The following DAB2IP variants were observed in gnomAD, a reference collection of about 807,000 sequenced individuals.
The protein encoded by DAB2IP is disabled homolog 2-interacting protein.
In DAB2IP, 28 loss-of-function variants were observed where a neutral mutation model predicts 107.2. That is an observed-to-expected ratio of 0.26 (90% CI 0.19 to 0.36). The LOEUF (loss-of-function observed/expected upper bound fraction) is 0.36. Ranked by LOEUF, DAB2IP falls within the 10% of genes least tolerant of loss-of-function variation. DAB2IP has a pLI of 1.00. For missense variants in DAB2IP, 1,400 were observed against 1,644.7 expected (o/e 0.85, Z 2.57); for synonymous variants, 755 against 706.4 (o/e 1.07, Z -1.09).
intron 1 of DAB2IP, among the ~76,000 whole-genome samples, chr9:121,676,635 G>GCACA (rs35324441): frequency 1.3e-5 from 2 of 150,542 alleles, no homozygotes; most frequent in African/African-American, 4.9e-5. Flanking sequence ...TTCTGCAGAC[G>GCACA]CACACACACA....
chr9:121,781,660 A>C (rs1309577524), intron 15 of DAB2IP, 109 bp downstream of exon 15: 8 of 1,111,774 alleles, frequency 7.2e-6, no homozygotes, highest in Non-Finnish European at 9.2e-6. Flanking sequence ...CACTGAGGGG[A>C]ATAAGAAACC....
chr9:121,583,796 C>T (rs1830256288), intron 1 of DAB2IP, among the ~76,000 whole-genome samples: 1 of 152,172 alleles, frequency 6.6e-6, no homozygotes, highest in South Asian at 2.1e-4. Context: ...CCCGTTGTGT[C>T]CAAGGAGAAG....
At chr9:121,629,022 T>A (rs1250540036) in intron 1 of DAB2IP, among the ~76,000 whole-genome samples, 1 of 152,164 alleles carries the variant, frequency 6.6e-6, no homozygotes, top group Non-Finnish European at 1.5e-5. Flanking sequence ...GGTAACCCAA[T>A]CACTTGCGCC....
At chr9:121,718,648 G>A (rs1830748951) in intron 3 of DAB2IP, among the ~76,000 whole-genome samples, 1 of 152,200 alleles carries the variant, frequency 6.6e-6, no homozygotes, top group Non-Finnish European at 1.5e-5. Context: ...TGCAAAATGG[G>A]GGATAGTATC....
At chr9:121,726,257 C>T (rs1209880270) in intron 3 of DAB2IP, among the ~76,000 whole-genome samples, 1 of 152,212 alleles carries the variant, frequency 6.6e-6, no homozygotes, top group East Asian at 1.9e-4. Flanking sequence ...CCCAAAAGGA[C>T]AAAGCTTGGG....
chr9:121,771,446 G>T (rs1834725757), intron 11 of DAB2IP, among the ~76,000 whole-genome samples: 1 of 152,160 alleles, frequency 6.6e-6, no homozygotes, highest in South Asian at 2.1e-4. Flanking sequence ...GTGGTGGCAG[G>T]GCAGGCTTTT....
rs1829840602 is a variant in DAB2IP, at chr9:121,702,496, T to C, written c.362+3038T>C. Among the ~76,000 whole-genome samples, 1 of 152,114 alleles carries C rather than the reference T, an allele frequency of 6.6e-6. No individual in the cohort carries two copies. Among genetic ancestry groups the C allele is most frequent in the African/African-American group, 2.4e-5 (1 of 41,398 alleles). On this transcript the variant is annotated intron_variant, in intron 3 of 15. Transcript: ENST00000408936. The surrounding 1 kb of genome is among the most constrained non-coding windows in gnomAD (Gnocchi z 4.5). ...CCAGCTGGTCTCCACAGTCTCTGGG[T>C]CCCTCAGACACTCATTTCTTCTTCA...
At chr9:121,731,292 C>A (rs1453047446) in intron 3 of DAB2IP, among the ~76,000 whole-genome samples, 1 of 152,168 alleles carries the variant, frequency 6.6e-6, no homozygotes, top group Non-Finnish European at 1.5e-5. Context: ...ACCCGGTGCA[C>A]CTGTTTTCAC....
chr9:121,569,439 T>G (rs182232782), intron 1 of DAB2IP, among the ~76,000 whole-genome samples: 5 of 152,330 alleles, frequency 3.3e-5, no homozygotes, highest in Non-Finnish European at 7.3e-5. Flanking sequence ...ACTGAAGAAG[T>G]CAATGATTCC....
At chr9:121,612,655 A>T (rs1252159928) in intron 1 of DAB2IP, among the ~76,000 whole-genome samples, 1 of 152,168 alleles carries the variant, frequency 6.6e-6, no homozygotes, top group Non-Finnish European at 1.5e-5. Context: ...GAGAACCGCC[A>T]GGGTCCTCCT....
upstream of DAB2IP, among the ~76,000 whole-genome samples, chr9:121,650,605 G>T (rs1338361697): frequency 3.9e-5 from 6 of 152,230 alleles, no homozygotes. Context: ...AGACCTCCTT[G>T]CCAAGGCCTC....
chr9:121,590,131 A>C (rs549588504), intron 1 of DAB2IP, among the ~76,000 whole-genome samples: 14 of 151,908 alleles, frequency 9.2e-5, no homozygotes, highest in Admixed American at 8.5e-4. Context: ...TCCTCCATGC[A>C]TAGTGTCTGA....
At chr9:121,568,252 G>A (rs1029955478) in intron 1 of DAB2IP, among the ~76,000 whole-genome samples, 34 of 152,192 alleles carry the variant, frequency 2.2e-4, no homozygotes, top group African/African-American at 7.2e-4. Flanking sequence ...TCCTGCAGGA[G>A]CTCAGCCCTT....
Position 121,782,597 on chromosome 9 carries a change from C to T in DAB2IP, c.*99C>T, listed in dbSNP as rs1035318638. The T allele has an allele frequency of 3.8e-5, 58 of 1,539,096 alleles. 1 individual carries two copies. Among genetic ancestry groups the T allele is most frequent in the Admixed American group, 2.4e-4 (13 of 54,304 alleles). On this transcript the variant is annotated 3_prime_UTR_variant, in exon 16 of 16. Coordinates refer to ENST00000408936, the Ensembl canonical transcript of DAB2IP. The surrounding 1 kb of genome is among the most constrained non-coding windows in gnomAD (Gnocchi z 6.1). ...GAGGCACCCACGGTTGCAGCCCCAG[C>T]GCGGGTGTCAGGAGGCCGAGCCTCC...
chr9:121,684,240 A>G lies in DAB2IP; in HGVS notation c.228+5459A>G, dbSNP rs1009181114. Among the ~76,000 whole-genome samples the G allele has an allele frequency of 6.6e-6, 1 of 152,074 alleles. No homozygotes were observed. Among genetic ancestry groups the G allele is most frequent in the African/African-American group, 2.4e-5 (1 of 41,386 alleles). On this transcript the variant is annotated intron_variant, in intron 2 of 15. Transcript: ENST00000408936. The surrounding 1 kb of genome is among the most constrained non-coding windows in gnomAD (Gnocchi z 4.0). The stretch of plus-strand genomic sequence containing the variant: ...AGGCTGTTGGAAATTAACTGGTTCA[A>G]CCCTTCCCTATACAGAGGAGGGACT...
chr9:121,579,711 G>A (rs761063697), intron 1 of DAB2IP, among the ~76,000 whole-genome samples: 100 of 152,294 alleles, frequency 6.6e-4, no homozygotes, highest in Middle Eastern at 6.8e-3. Context: ...CCACATGCCT[G>A]TCTCTGCCAC....
At chr9:121,594,667 C>T (rs1350845211) in intron 1 of DAB2IP, among the ~76,000 whole-genome samples, 2 of 152,162 alleles carry the variant, frequency 1.3e-5, no homozygotes, top group African/African-American at 4.8e-5. Flanking sequence ...GTCACTCAGT[C>T]CTTTTCTTCA....
At chr9:121,725,177 G>C (rs1238557928) in intron 3 of DAB2IP, among the ~76,000 whole-genome samples, 1 of 152,086 alleles carries the variant, frequency 6.6e-6, no homozygotes, top group Non-Finnish European at 1.5e-5. Context: ...GCGTGTGTAT[G>C]TGTGTGTGTG....
In DAB2IP at chr9:121,627,197, G is replaced by A. The variant is rs1202166193; in HGVS notation, c.41-51481G>A. Among the ~76,000 whole-genome samples, 3 of 151,578 alleles carry A rather than the reference G, an allele frequency of 2.0e-5. No homozygotes were observed. The South Asian group carries it at 6.3e-4, about 32-fold the overall frequency. ...CATATGTAAGAATCTATCCACCCAGGAGATCATCCCACATATCCTGAAGTA... is the reference window on the plus strand; with the variant it reads ...CATATGTAAGAATCTATCCACCCAGAAGATCATCCCACATATCCTGAAGTA... On this transcript the variant is annotated intron_variant, in intron 1 of 16. Coordinates refer to the DAB2IP transcript ENST00000259371.
Sources: allele counts gnomAD v4.1 joint callset (sites outside exome capture counted in the v4.1 genomes callset), GRCh38; gene constraint gnomAD v4.1.1; non-coding constraint Gnocchi (gnomAD v3.1); transcripts MANE v1.5; gene names NCBI Gene and HGNC (gene_info 2026-07-23, HGNC 2026-07-21).